The following DGKZ variants were observed in gnomAD, a reference collection of about 807,000 sequenced individuals.
DGKZ encodes DAG kinase zeta.
DGKZ carries 45 observed loss-of-function variants against 142.5 expected under a neutral mutation model. That is an observed-to-expected ratio of 0.32 (90% CI 0.25 to 0.40). The LOEUF (loss-of-function observed/expected upper bound fraction) is 0.40. Among genes scored for constraint, DGKZ ranks in the 10% least tolerant of loss-of-function variants. The pLI, the probability that DGKZ is intolerant of heterozygous loss-of-function variation, is 1.00. For missense variants in DGKZ, 755 were observed against 1,306.5 expected (o/e 0.58, Z 6.51); for synonymous variants, 442 against 527.0 (o/e 0.84, Z 2.21).
chr11:46,357,924 G>A (rs917794622), intron 1 of DGKZ, among the ~76,000 whole-genome samples: 3 of 152,228 alleles, frequency 2.0e-5, no homozygotes, highest in Non-Finnish European at 2.9e-5. Flanking sequence ...ACAGAGAATA[G>A]GCTGGCTTGG....
At chr11:46,352,365 A>C (rs1437540086) in intron 1 of DGKZ, among the ~76,000 whole-genome samples, 2 of 152,202 alleles carry the variant, frequency 1.3e-5, no homozygotes, top group African/African-American at 4.8e-5. Flanking sequence ...CCGCCAGTCC[A>C]CAGGCCCACG....
intron 1 of DGKZ, among the ~76,000 whole-genome samples, chr11:46,348,680 G>C (rs1940980464): frequency 2.0e-5 from 3 of 152,192 alleles, no homozygotes; most frequent in Admixed American, 2.0e-4. Flanking sequence ...TGGAAAGACT[G>C]AGTGCAGGCA....
rs942643564 is a variant in DGKZ at position 46,378,884 on chromosome 11, C to T, written c.2419-107C>T. The T allele has an allele frequency of 2.1e-5, 30 of 1,456,966 alleles. No individual in the cohort carries two copies. In the Admixed American group the frequency reaches 2.5e-4, roughly 12 times the overall value. 90.3% of individuals were successfully genotyped at this position (1,456,966 alleles called of 1,614,324 possible). A position where few individuals can be genotyped will look rare whatever the true frequency, so the allele number is the denominator to read the frequency against. On this transcript the variant is annotated intron_variant, in intron 27 of 30. Transcript: ENST00000527911. Reference sequence around the variant, plus strand: ...CTCAGGAGTAAGATGTGTGAGCGCACTCGTTTCAGGCCTGTGCTGGTGTAC... The same window carrying T: ...CTCAGGAGTAAGATGTGTGAGCGCATTCGTTTCAGGCCTGTGCTGGTGTAC...
At chr11:46,364,105 T>C (rs997757213) in intron 1 of DGKZ, among the ~76,000 whole-genome samples, 1 of 152,218 alleles carries the variant, frequency 6.6e-6, no homozygotes, top group African/African-American at 2.4e-5. Context: ...TCTGGTTCCC[T>C]TTCCTACCCC....
intron 4 of DGKZ, chr11:46,368,646 C>T (rs992068984): frequency 1.4e-5 from 3 of 215,298 alleles, no homozygotes; most frequent in Non-Finnish European, 2.9e-5. Flanking sequence ...AGGAGTGGTT[C>T]AGGCAGGCTC....
chr11:46,337,906 TG>T (rs763776939), intron 1 of DGKZ, among the ~76,000 whole-genome samples: 1 of 152,120 alleles, frequency 6.6e-6, no homozygotes, highest in Non-Finnish European at 1.5e-5. Flanking sequence ...GAAGAACCAG[TG>T]CCTGTACCTG....
intron 1 of DGKZ, chr11:46,365,644 G>A (rs1283420399): frequency 1.4e-5 from 14 of 985,238 alleles, no homozygotes; most frequent in African/African-American, 7.0e-5. Context: ...TATGGGCTGA[G>A]AGACTCTGGG....
chr11:46,355,629 G>C (rs937697782), intron 1 of DGKZ, among the ~76,000 whole-genome samples: 1 of 152,146 alleles, frequency 6.6e-6, no homozygotes, highest in African/African-American at 2.4e-5. Flanking sequence ...AACCTACTGT[G>C]AAGGCCTTTG....
At chr11:46,348,137 G>A (rs997241472) in intron 1 of DGKZ, among the ~76,000 whole-genome samples, 2 of 152,156 alleles carry the variant, frequency 1.3e-5, no homozygotes, top group African/African-American at 4.8e-5. Flanking sequence ...CAGGAAGATG[G>A]AATCACCCCA....
At position 46,347,495 on chromosome 11, in the gene DGKZ, C is replaced by G. The variant is rs1940774499; in HGVS notation, c.-165C>G. The G allele has an allele frequency of 1.0e-6, 1 of 982,396 alleles. No individual in the cohort carries two copies. Among genetic ancestry groups the G allele is most frequent in the Non-Finnish European group, 1.2e-6 (1 of 828,970 alleles). The allele number at this position is 982,396 out of a possible 1,614,324, so 60.9% of individuals were successfully genotyped here. On this transcript the variant is annotated 5_prime_UTR_variant, in exon 1 of 31. Transcript: ENST00000527911. The surrounding 1 kb of genome is among the most constrained non-coding windows in gnomAD (Gnocchi z 6.4). ...CCTGGAGCGGCGGCGGCAGCGGCTT[C>G]CCGGGCACCTGGGCGTGGGGAGCGG...
Position 46,367,881 on chromosome 11 carries a change from C to A in DGKZ, c.367-121C>A. ...CCCAGGATGGTGAGGGGTGCAGGGG[C>A]TTTGTCCGGATGCCAGGACTGGGGC... On this transcript the variant is annotated intron_variant, in intron 3 of 30. Coordinates refer to ENST00000527911, the Ensembl canonical transcript of DGKZ. This position sits in a 1 kb window ranked among gnomAD's most constrained non-coding sequence, Gnocchi z 4.1. 1 of 1,515,788 alleles carries A rather than the reference C, an allele frequency of 6.6e-7. No homozygotes were observed. Among genetic ancestry groups the A allele is most frequent in the Non-Finnish European group, 9.1e-7 (1 of 1,094,204 alleles). 93.9% of individuals were successfully genotyped at this position (1,515,788 alleles called of 1,614,324 possible). A position where few individuals can be genotyped will look rare whatever the true frequency, so the allele number is the denominator to read the frequency against.
intron 1 of DGKZ, among the ~76,000 whole-genome samples, chr11:46,353,017 G>T (rs79376309): frequency 0.016 from 2,507 of 152,348 alleles, 25 homozygotes; most frequent in Non-Finnish European, 0.025. Flanking sequence ...AAGCAGGTTC[G>T]AGTGAGACCA....
intron 1 of DGKZ, chr11:46,339,003 C>A (rs1019284365): frequency 6.6e-6 from 1 of 152,176 alleles, no homozygotes; most frequent in Non-Finnish European, 1.5e-5. Context: ...GTGGTGGGAC[C>A]CAGGGGTGGT....
rs1324908274 is a variant in DGKZ at position 46,355,887 on chromosome 11, C to CA, written c.161+8068dup. ...TCAGCCTCCCAAGTAGCTGGGATTA[C>CA]AGGCATGGGCCACCACACCCGGCTA... On this transcript the variant is annotated intron_variant, in intron 1 of 30. Transcript: ENST00000527911. Among the ~76,000 whole-genome samples, 13 of 152,326 alleles carry CA rather than the reference C, an allele frequency of 8.5e-5. No individual in the cohort carries two copies. In the East Asian group the frequency reaches 2.3e-3, roughly 27 times the overall value.
intron 1 of DGKZ, among the ~76,000 whole-genome samples, chr11:46,353,223 C>T (rs1026504385): frequency 2.0e-5 from 3 of 152,214 alleles, no homozygotes; most frequent in African/African-American, 7.2e-5. Context: ...GGTCAGGGGC[C>T]TGGCCAGGAT....
chr11:46,377,935 A>C, intron 25 of DGKZ: 1 of 557,794 alleles, frequency 1.8e-6, no homozygotes. Context: ...ACCTGTTCTG[A>C]ATTCTTAAGA....
intron 1 of DGKZ, among the ~76,000 whole-genome samples, chr11:46,356,028 G>A (rs1403280337): frequency 1.3e-5 from 2 of 152,230 alleles, no homozygotes; most frequent in African/African-American, 4.8e-5. Context: ...TTACAGGCAT[G>A]AGCCACCCGC....
At chr11:46,365,541 G>C in intron 1 of DGKZ, 1 of 985,438 alleles carries the variant, frequency 1.0e-6, no homozygotes, top group South Asian at 4.7e-5. Flanking sequence ...GAGCCAGACA[G>C]TGACTCTCCA....
intron 1 of DGKZ, among the ~76,000 whole-genome samples, chr11:46,339,949 C>T (rs986117236): frequency 6.6e-6 from 1 of 152,196 alleles, no homozygotes; most frequent in African/African-American, 2.4e-5. Context: ...TTCTGCAGGG[C>T]TCCAGTGTGA....
Sources: gnomAD v4.1 joint callset for allele counts (sites outside exome capture counted in the v4.1 genomes callset) on GRCh38, gnomAD v4.1.1 for gene constraint, Gnocchi (gnomAD v3.1) non-coding constraint, MANE v1.5 for transcripts, NCBI Gene and HGNC (gene_info 2026-07-23, HGNC 2026-07-21) for gene names.